Variants in CAPN7 observed in about 807,000 individuals in gnomAD.
The protein encoded by CAPN7 is calpain-7.
CAPN7 carries 72 observed loss-of-function variants against 115.2 expected under a neutral mutation model. The ratio of observed to expected loss-of-function variants is 0.63; its 90% CI spans 0.52 to 0.76. The LOEUF (loss-of-function observed/expected upper bound fraction) is 0.76. Ranked by LOEUF, CAPN7 falls within the 30% of genes least tolerant of loss-of-function variation. The pLI, the probability that CAPN7 is intolerant of heterozygous loss-of-function variation, is 0.00. For synonymous variants in CAPN7, 344 were observed against 322.3 expected (o/e 1.07, Z -0.72); for missense variants, 905 against 971.5 (o/e 0.93, Z 0.91).
At chr3:15,218,443 T>A (rs762190606) in intron 3 of CAPN7, 30 bp from the exon 4 acceptor site, 2 of 1,532,644 alleles carry the variant, frequency 1.3e-6, no homozygotes, top group Admixed American at 3.5e-5. Flanking sequence ...AATTATGCTT[T>A]AAAATGTCTG....
chr3:15,213,178 T>C (rs907755702), intron 2 of CAPN7, among the ~76,000 whole-genome samples: 1 of 152,242 alleles, frequency 6.6e-6, no homozygotes, highest in African/African-American at 2.4e-5. Flanking sequence ...TAAATGAAGT[T>C]CTTAAATTTA....
chr3:15,215,502 C>T (rs1020903202), intron 2 of CAPN7, among the ~76,000 whole-genome samples: 1 of 152,166 alleles, frequency 6.6e-6, no homozygotes, highest in Admixed American at 6.5e-5. Flanking sequence ...AATCCCCATT[C>T]CTCCCTCCCC....
Position 15,230,544 on chromosome 3 carries a change from T to C in CAPN7, c.1032+9T>C. The stretch of plus-strand genomic sequence containing the variant: ...ATGGTGTCCCAAGAAAGGTGAATAA[T>C]GTCTCTCCCCACTCCCATCCCTTGT... On this transcript the variant is annotated intron_variant, in intron 9 of 20. Transcript: ENST00000253693. 1.3e-6 allele frequency: 2 copies of C among 1,526,604 alleles called. No individual in the cohort carries two copies. Among genetic ancestry groups the C allele is most frequent in the Non-Finnish European group, 1.8e-6 (2 of 1,101,080 alleles). The allele number at this position is 1,526,604 out of a possible 1,614,324, so 94.6% of individuals were successfully genotyped here.
intron 2 of CAPN7, among the ~76,000 whole-genome samples, chr3:15,216,962 G>A (rs1575167444): frequency 1.3e-5 from 2 of 151,800 alleles, no homozygotes; most frequent in East Asian, 1.9e-4. Context: ...GGAAGGCTGG[G>A]CATGGTGGCT....
rs1696000858 is a variant in CAPN7 at position 15,251,443 on chromosome 3, T to G, written c.*183T>G. Reference sequence around the variant, plus strand: ...AGAACTGTATATAGTCAGAATTACCTAAATCACCTAGAGGTACCGTTTACA... The same window carrying G: ...AGAACTGTATATAGTCAGAATTACCGAAATCACCTAGAGGTACCGTTTACA... On this transcript the variant is annotated 3_prime_UTR_variant, in exon 21 of 21. Coordinates refer to ENST00000253693, the MANE Select transcript of CAPN7 (RefSeq NM_014296.3). 2 of 498,838 alleles carry G rather than the reference T, an allele frequency of 4.0e-6. No homozygotes were observed. The highest frequency in any genetic ancestry group is 7.0e-6 in the Non-Finnish European group (2 of 287,358). 30.9% of individuals were successfully genotyped at this position (498,838 alleles called of 1,614,324 possible). A position where few individuals can be genotyped will look rare whatever the true frequency, so the allele number is the denominator to read the frequency against.
At chr3:15,242,732 C>T (rs1208729536) in intron 16 of CAPN7, among the ~76,000 whole-genome samples, 2 of 152,184 alleles carry the variant, frequency 1.3e-5, no homozygotes, top group Admixed American at 1.3e-4. Context: ...TCAAGAATCT[C>T]TCCTCCTGCC....
intron 1 of CAPN7, among the ~76,000 whole-genome samples, chr3:15,211,788 G>A (rs893370920): frequency 2.6e-5 from 4 of 152,000 alleles, no homozygotes; most frequent in African/African-American, 7.2e-5. Flanking sequence ...CCAGCTACTC[G>A]GGAGGCTGAG....
chr3:15,238,850 T>TTTTTA (rs1491526309), intron 12 of CAPN7, among the ~76,000 whole-genome samples: 3 of 79,252 alleles, frequency 3.8e-5, no homozygotes, highest in African/African-American at 3.1e-4. Context: ...CAAAATCAAA[T>TTTTTA]TTTTTTTTTT....
At chr3:15,219,869 T>G (rs930899466) in intron 4 of CAPN7, among the ~76,000 whole-genome samples, 4 of 152,198 alleles carry the variant, frequency 2.6e-5, no homozygotes, top group African/African-American at 4.8e-5. Flanking sequence ...TCCTGCTGCC[T>G]CTCGTTTGCA....
chr3:15,206,575 C>T lies in CAPN7; in HGVS notation c.80C>T (p.Ser27Phe), dbSNP rs199777131. 15 of 1,551,146 alleles carry T rather than the reference C, an allele frequency of 9.7e-6. No homozygotes were observed. Among genetic ancestry groups the T allele is most frequent in the African/African-American group, 1.4e-5 (1 of 72,694 alleles). ...CAGCGCGACCACGAAGGCCGCTACT[C>T]CGAGGCGGTGTTTTATTACAAGGTA... is the stretch of plus-strand genomic sequence containing the variant. ...AVQRDHEGRY[S>F]EAVFYYKEAA... Residue 27 changes from serine (S) to phenylalanine (F), a missense_variant, in exon 1 of 21, where the codon TCC (serine) becomes TTC (phenylalanine). Around this residue, in one of 3 missense-constraint regions of CAPN7, gnomAD observed 271 missense variants for 239.6 expected, o/e 1.13. Transcript: ENST00000253693.
intron 4 of CAPN7, among the ~76,000 whole-genome samples, chr3:15,218,917 T>C (rs1364729662): frequency 1.5e-4 from 23 of 152,206 alleles, no homozygotes; most frequent in Non-Finnish European, 1.0e-4. Flanking sequence ...TACCTCAGAT[T>C]ATACAGTGTG....
In CAPN7 at chr3:15,241,196, C is replaced by G. The variant is rs536624953; in HGVS notation, c.1653-257C>G. ...CTCCAGCCCGGACAACAGAGCAAGACTCTGTCTCAAAAAAATAAATAAATA... is the reference window on the plus strand; with the variant it reads ...CTCCAGCCCGGACAACAGAGCAAGAGTCTGTCTCAAAAAAATAAATAAATA... On this transcript the variant is annotated intron_variant, in intron 14 of 20. Coordinates refer to ENST00000253693, the MANE Select transcript of CAPN7 (RefSeq NM_014296.3). Among the ~76,000 whole-genome samples, 6 of 152,234 alleles carry G rather than the reference C, an allele frequency of 3.9e-5. No individual in the cohort carries two copies. In the South Asian group the frequency reaches 1.2e-3, roughly 32 times the overall value.
chr3:15,242,128 T>C, intron 15 of CAPN7, 50 bp from the exon 16 acceptor site: 1 of 1,166,990 alleles, frequency 8.6e-7, no homozygotes, highest in South Asian at 1.3e-5. Context: ...AGAAAATAAA[T>C]AGCATTTTGA....
intron 3 of CAPN7, 73 bp from the exon 4 acceptor site, chr3:15,218,400 G>T: frequency 9.2e-7 from 1 of 1,085,826 alleles, no homozygotes; most frequent in Admixed American, 1.9e-5. Flanking sequence ...TAAATTTTTT[G>T]CTTAGAAATA....
At chr3:15,224,321 G>A (rs1168496065) in intron 6 of CAPN7, among the ~76,000 whole-genome samples, 2 of 149,590 alleles carry the variant, frequency 1.3e-5, no homozygotes, top group African/African-American at 4.9e-5. Context: ...TGCCTAGGCT[G>A]GAGTGCAATG....
Position 15,246,727 on chromosome 3 carries a change from T to G in CAPN7, c.2011-5T>G. On this transcript the variant is annotated splice_polypyrimidine_tract_variant and splice_region_variant and intron_variant, in intron 17 of 20. Transcript: ENST00000253693. ...TTTATCAATACAGTCTTTTTTTAAATCTAGGTATATTCAGCATGCAGCTTT... is the reference window on the plus strand; with the variant it reads ...TTTATCAATACAGTCTTTTTTTAAAGCTAGGTATATTCAGCATGCAGCTTT... The G allele has an allele frequency of 6.3e-7, 1 of 1,583,148 alleles. No individual in the cohort carries two copies. The highest frequency in any genetic ancestry group is 8.7e-7 in the Non-Finnish European group (1 of 1,153,370).
Position 15,231,248 on chromosome 3 carries a change from AAC to A in CAPN7, c.1032+717_1032+718del, listed in dbSNP as rs1416776538. Among the ~76,000 whole-genome samples the A allele has an allele frequency of 2.0e-5, 3 of 152,146 alleles. No homozygotes were observed. In the South Asian group the frequency reaches 6.2e-4, roughly 32 times the overall value. ...CTGGCAGGTGATTATCTGTTATTAA[AAC>A]ACAGGTTTCTGGACCTCACGCCCAG... On this transcript the variant is annotated intron_variant, in intron 9 of 20. Coordinates refer to ENST00000253693, the MANE Select transcript of CAPN7 (RefSeq NM_014296.3).
chr3:15,225,619 C>T (rs1294659114), intron 6 of CAPN7, among the ~76,000 whole-genome samples: 3 of 152,186 alleles, frequency 2.0e-5, no homozygotes, highest in African/African-American at 7.2e-5. Flanking sequence ...GCACTTGTCA[C>T]AGTTGGAATT....
In CAPN7 at chr3:15,251,182, C is replaced by T. The variant is rs749177436; in HGVS notation, c.2364C>T (p.Thr788=). The T allele has an allele frequency of 1.2e-6, 2 of 1,608,556 alleles. No individual in the cohort carries two copies. The highest frequency in any genetic ancestry group is 2.2e-5 in the South Asian group (2 of 90,520). The change falls in exon 21 of 21, where the codon ACC becomes ACT. Residue 788 remains threonine (T), a synonymous_variant. Transcript: ENST00000253693. ...GGATCTTCAATATCATTCCTAGTACCTTTTTGCCTAAACAAGAAGGACCTT... is the reference window on the plus strand; with the variant it reads ...GGATCTTCAATATCATTCCTAGTACTTTTTTGCCTAAACAAGAAGGACCTT... ...PSGIFNIIPS[T]FLPKQEGPFF... is the part of the protein sequence containing the mutation.
Sources: allele counts gnomAD v4.1 joint callset (sites outside exome capture counted in the v4.1 genomes callset), GRCh38; gene constraint gnomAD v4.1.1; regional missense constraint gnomAD v4.1.1; transcripts MANE v1.5; gene names NCBI Gene and HGNC (gene_info 2026-07-23, HGNC 2026-07-21).